The following CFAP77 variants were observed in gnomAD, a reference collection of about 807,000 sequenced individuals.
CFAP77 encodes cilia- and flagella-associated protein 77.
In CFAP77, 25 loss-of-function variants were observed where a neutral mutation model predicts 31.1. The observed-to-expected ratio is 0.80, with a 90% CI of 0.59 to 1.12. The LOEUF is 1.12. Among genes scored for constraint, CFAP77 ranks in the 50% most tolerant of loss-of-function variants. CFAP77 has a pLI of 0.00. For synonymous variants in CFAP77, 151 were observed against 159.9 expected, an observed-to-expected ratio of 0.94 and a Z score of 0.42; for missense variants, 377 against 397.3, an observed-to-expected ratio of 0.95 and a Z score of 0.44.
chr9:132,481,972 G>A lies in CFAP77; in HGVS notation c.196-16723G>A, dbSNP rs77536043. ...AGGGTTTATGGTTGGGGGGGGGGGG[G>A]GCGGCGGAACACTGAACATTTTTCT... On this transcript the variant is annotated intron_variant, in intron 1 of 5. Coordinates refer to ENST00000393216, the MANE Select transcript of CFAP77 (RefSeq NM_001282957.2). This position sits in a 1 kb window ranked among gnomAD's most constrained non-coding sequence, Gnocchi z 5.0. 1.0e-4 allele frequency among the ~76,000 whole-genome samples: 15 copies of A among 146,520 alleles called. No individual in the cohort carries two copies. Among genetic ancestry groups the A allele is most frequent in the South Asian group, 6.7e-4 (3 of 4,452 alleles).
At chr9:132,562,664 T>C (rs1829830336) in intron 5 of CFAP77, among the ~76,000 whole-genome samples, 1 of 152,152 alleles carries the variant, frequency 6.6e-6, no homozygotes, top group Non-Finnish European at 1.5e-5. Context: ...CTCAGGGCCA[T>C]TGAGCACTTG....
intron 5 of CFAP77, among the ~76,000 whole-genome samples, chr9:132,546,340 CCTTTGTCTGCGCCTGG>C: frequency 2.0e-5 from 3 of 152,294 alleles, no homozygotes; most frequent in Non-Finnish European, 4.4e-5. Context: ...CCCGGGAGGG[CCTTTGTCTGCGCCTGG>C]CTTTGCCGCT....
At chr9:132,427,577 T>C (rs1231943870) in intron 1 of CFAP77, among the ~76,000 whole-genome samples, 6 of 152,084 alleles carry the variant, frequency 3.9e-5, no homozygotes, top group Non-Finnish European at 2.9e-5. Flanking sequence ...ATCACGCAAC[T>C]GCACTCCAGC....
chr9:132,479,753 C>T (rs1270196596), intron 1 of CFAP77, among the ~76,000 whole-genome samples: 1 of 152,180 alleles, frequency 6.6e-6, no homozygotes, highest in Non-Finnish European at 1.5e-5. Context: ...GCATCAACTC[C>T]CTCTAATAAT....
Position 132,498,252 on chromosome 9 carries a change from C to T in CFAP77, c.196-443C>T, listed in dbSNP as rs1330266535. ...TACAGTGACAATGGTTTGAGTGGTCCCTGGTATGAGGAAGGTGGGAATGAA... is the reference window on the plus strand; with the variant it reads ...TACAGTGACAATGGTTTGAGTGGTCTCTGGTATGAGGAAGGTGGGAATGAA... On this transcript the variant is annotated intron_variant, in intron 1 of 5. Transcript: ENST00000393216. The surrounding 1 kb of genome is among the most constrained non-coding windows in gnomAD (Gnocchi z 4.2). Among the ~76,000 whole-genome samples, 2 of 151,990 alleles carry T rather than the reference C, an allele frequency of 1.3e-5. No homozygotes were observed. The highest frequency in any genetic ancestry group is 2.4e-5 in the African/African-American group (1 of 41,342).
chr9:132,437,789 G>C (rs924242894), intron 1 of CFAP77, among the ~76,000 whole-genome samples: 1 of 151,374 alleles, frequency 6.6e-6, no homozygotes, highest in South Asian at 2.1e-4. Flanking sequence ...GGGATTACAG[G>C]TGTGAGCCAC....
chr9:132,553,223 C>T (rs1156717608), intron 5 of CFAP77, among the ~76,000 whole-genome samples: 1 of 152,152 alleles, frequency 6.6e-6, no homozygotes, highest in Admixed American at 6.5e-5. Flanking sequence ...ATGGGGGCCC[C>T]ACCCTCACGA....
intron 1 of CFAP77, among the ~76,000 whole-genome samples, chr9:132,475,929 A>G (rs1191842635): frequency 2.6e-5 from 4 of 152,194 alleles, no homozygotes; most frequent in Non-Finnish European, 2.9e-5. Context: ...ATAGCCTGGC[A>G]CAGCCTGGCC....
At chr9:132,550,990 G>A (rs982242019) in intron 5 of CFAP77, among the ~76,000 whole-genome samples, 2 of 152,198 alleles carry the variant, frequency 1.3e-5, no homozygotes, top group African/African-American at 2.4e-5. Flanking sequence ...AAGGGAAAGT[G>A]CATGGCGTCA....
At chr9:132,486,070 A>T (rs1280661609) in intron 1 of CFAP77, among the ~76,000 whole-genome samples, 1 of 10,780 alleles carries the variant, frequency 9.3e-5, no homozygotes, top group Non-Finnish European at 1.3e-4. Flanking sequence ...GTGTGTGTAT[A>T]TATATATATA....
chr9:132,463,371 T>C (rs990301584), intron 1 of CFAP77, among the ~76,000 whole-genome samples: 3 of 152,162 alleles, frequency 2.0e-5, no homozygotes, highest in Admixed American at 6.5e-5. Flanking sequence ...CCTGGGATGC[T>C]ATCTGGGGGC....
intron 1 of CFAP77, among the ~76,000 whole-genome samples, chr9:132,473,504 G>A (rs1336187657): frequency 2.6e-5 from 4 of 152,096 alleles, no homozygotes; most frequent in Admixed American, 6.6e-5. Context: ...TCTCAAGTCC[G>A]GACACGGATT....
chr9:132,516,717 G>A (rs1201603798), intron 3 of CFAP77, among the ~76,000 whole-genome samples: 1 of 152,020 alleles, frequency 6.6e-6, no homozygotes, highest in East Asian at 1.9e-4. Context: ...TTACCATTGG[G>A]GGAAACTGGG....
At position 132,570,650 on chromosome 9, in the gene CFAP77, G is replaced by A. The variant is rs544239477; in HGVS notation, c.733-1738G>A. Among the ~76,000 whole-genome samples, 199 of 152,278 alleles carry A rather than the reference G, an allele frequency of 1.3e-3. 1 individual carries two copies. The highest frequency in any genetic ancestry group is 4.2e-3 in the African/African-American group (174 of 41,536). On this transcript the variant is annotated intron_variant, in intron 5 of 5. Coordinates refer to ENST00000393216, the MANE Select transcript of CFAP77 (RefSeq NM_001282957.2). ...GGCTTTCCAAAGAGCATCCCCAAGG[G>A]GTCCACATCCGCTAGAAGGTGAAGA... is the stretch of plus-strand genomic sequence containing the variant.
At chr9:132,447,856 C>T (rs945094476) in intron 1 of CFAP77, among the ~76,000 whole-genome samples, 3 of 152,200 alleles carry the variant, frequency 2.0e-5, no homozygotes, top group Non-Finnish European at 4.4e-5. Context: ...AACCACCCAA[C>T]ATTCAAAGGA....
intron 1 of CFAP77, among the ~76,000 whole-genome samples, chr9:132,471,216 C>A (rs1391446594): frequency 6.6e-6 from 1 of 152,106 alleles, no homozygotes; most frequent in Non-Finnish European, 1.5e-5. Flanking sequence ...GAGGATTCAG[C>A]CCTGGAAGCT....
Position 132,498,650 on chromosome 9 carries a change from T to G in CFAP77, c.196-45T>G. 1 of 1,438,204 alleles carries G rather than the reference T, an allele frequency of 7.0e-7. No individual in the cohort carries two copies. Among genetic ancestry groups the G allele is most frequent in the Non-Finnish European group, 9.7e-7 (1 of 1,032,820 alleles). 89.1% of individuals were successfully genotyped at this position (1,438,204 alleles called of 1,614,324 possible). ...CTGCCGGATTACAATACATTTGGTCTGAGACTCCACTCCTCACCTCTGCTC... is the reference window on the plus strand; with the variant it reads ...CTGCCGGATTACAATACATTTGGTCGGAGACTCCACTCCTCACCTCTGCTC... On this transcript the variant is annotated intron_variant, in intron 1 of 5. Coordinates refer to ENST00000393216, the MANE Select transcript of CFAP77 (RefSeq NM_001282957.2). The surrounding 1 kb of genome is among the most constrained non-coding windows in gnomAD (Gnocchi z 4.2).
Position 132,565,447 on chromosome 9 carries a change from T to C in CFAP77, c.733-6941T>C, listed in dbSNP as rs1589929227. Among the ~76,000 whole-genome samples, 1 of 151,978 alleles carries C rather than the reference T, an allele frequency of 6.6e-6. No individual in the cohort carries two copies. The highest frequency in any genetic ancestry group is 2.1e-4 in the South Asian group (1 of 4,810). On this transcript the variant is annotated intron_variant, in intron 5 of 5. Transcript: ENST00000393216. The surrounding 1 kb of genome is among the most constrained non-coding windows in gnomAD (Gnocchi z 4.1). ...GAGTTCCAGAGCAGCCTGGCTAACA[T>C]GGTAAAACCCCGTCTCTACTAAAAA...
intron 5 of CFAP77, among the ~76,000 whole-genome samples, chr9:132,567,033 G>T (rs757033822): frequency 2.6e-5 from 4 of 152,228 alleles, no homozygotes; most frequent in Non-Finnish European, 4.4e-5. Flanking sequence ...AACAGGCCAC[G>T]AGCAGACCCT....
Sources: allele counts gnomAD v4.1 joint callset (sites outside exome capture counted in the v4.1 genomes callset), GRCh38; gene constraint gnomAD v4.1.1; non-coding constraint Gnocchi (gnomAD v3.1); transcripts MANE v1.5; gene names NCBI Gene and HGNC (gene_info 2026-07-23, HGNC 2026-07-21).